The following ZNF487 variants were observed in gnomAD, a reference collection of about 807,000 sequenced individuals.
The protein encoded by ZNF487 is zinc finger protein 487.
In ZNF487, 4 loss-of-function variants were observed where a neutral mutation model predicts 3.0. That is an observed-to-expected ratio of 1.35 (90% CI 0.66 to 3.08). The LOEUF is 3.08. Ranked by LOEUF, ZNF487 falls within the 30% of genes most tolerant of loss-of-function variation. ZNF487 has a pLI of 0.01. For synonymous variants in ZNF487, 55 were observed against 34.6 expected, an observed-to-expected ratio of 1.59 and a Z score of -2.06; for missense variants, 146 against 98.7, an observed-to-expected ratio of 1.48 and a Z score of -2.03.
intron 1 of ZNF487, among the ~76,000 whole-genome samples, chr10:43,438,584 A>G (rs1839467414): frequency 6.6e-6 from 1 of 152,216 alleles, no homozygotes; most frequent in Non-Finnish European, 1.5e-5. Flanking sequence ...CAAAAAATTA[A>G]CAAATAGAAT....
chr10:43,476,042 G>A (rs1841088624), intron 2 of ZNF487, 65 bp from the exon 3 acceptor site: 1 of 699,472 alleles, frequency 1.4e-6, no homozygotes, highest in South Asian at 1.5e-5. Flanking sequence ...ACCTATTTTT[G>A]TGCAGGCACA....
At chr10:43,455,913 A>G (rs559977852) in intron 1 of ZNF487, among the ~76,000 whole-genome samples, 2 of 152,374 alleles carry the variant, frequency 1.3e-5, no homozygotes, top group Admixed American at 6.5e-5. Context: ...CGCCCGCTCT[A>G]GCACAGTCCG....
rs1252687815 is a variant in ZNF487 at position 43,475,828 on chromosome 10, C to T, written c.15C>T (p.Tyr5=). 6.4e-6 allele frequency: 5 copies of T among 779,186 alleles called. No individual in the cohort carries two copies. Among genetic ancestry groups the T allele is most frequent in the African/African-American group, 1.7e-5 (1 of 59,200 alleles). 48.3% of individuals were successfully genotyped at this position (779,186 alleles called of 1,614,324 possible). ...ACAGAGACATGATGCTGGAGAACTA[C>T]AGCCTCCTCCTCTCAGTGGGTAAGG... is the stretch of plus-strand genomic sequence containing the variant. MLEN[Y]SLLLSVGYCI... The change falls in exon 2 of 4, where the codon TAC becomes TAT. Residue 5 remains tyrosine (Y), a synonymous_variant. Coordinates refer to ENST00000437590, the MANE Select transcript of ZNF487 (RefSeq NM_001355444.3).
In ZNF487 at chr10:43,482,319, A is replaced by G; in HGVS notation, c.*397A>G. ...GTATATCAGAAAACAGATACAGAAG[A>G]AAAACTCTATGAATGTAGTGAATGT... On this transcript the variant is annotated 3_prime_UTR_variant, in exon 4 of 4. Transcript: ENST00000437590. 1 of 414,948 alleles carries G rather than the reference A, an allele frequency of 2.4e-6. No individual in the cohort carries two copies. 25.7% of individuals were successfully genotyped at this position (414,948 alleles called of 1,614,324 possible). A position where few individuals can be genotyped will look rare whatever the true frequency, so the allele number is the denominator to read the frequency against.
chr10:43,494,757 T>TA, the ZNF487 span, among the ~76,000 whole-genome samples: 1 of 24,448 alleles, frequency 4.1e-5, no homozygotes, highest in Non-Finnish European at 7.0e-5. Flanking sequence ...CTGTCTCTAC[T>TA]AAAAATACAA....
chr10:43,469,810 C>T (rs192758179), intron 1 of ZNF487, among the ~76,000 whole-genome samples: 30 of 151,944 alleles, frequency 2.0e-4, no homozygotes, highest in Admixed American at 5.3e-4. Flanking sequence ...ATTAGGTGGG[C>T]GTGGTGGTGT....
At chr10:43,441,998 G>A (rs999321608) in intron 1 of ZNF487, among the ~76,000 whole-genome samples, 7 of 152,204 alleles carry the variant, frequency 4.6e-5, no homozygotes, top group Middle Eastern at 6.8e-3. Flanking sequence ...AGGTAGAGGC[G>A]GGAAAATCAA....
At chr10:43,484,784 A>T (rs1397186742), downstream of ZNF487, among the ~76,000 whole-genome samples, 1 of 152,208 alleles carries the variant, frequency 6.6e-6, no homozygotes, top group Admixed American at 6.6e-5. Context: ...TATTATATTC[A>T]TAGGAAAACA....
chr10:43,498,101 T>TATA, the ZNF487 span, among the ~76,000 whole-genome samples: 1 of 12,762 alleles, frequency 7.8e-5, no homozygotes, highest in Non-Finnish European at 1.3e-4. Context: ...ATATATATAT[T>TATA]TTTTTTTTTT....
chr10:43,500,194 G>T, the ZNF487 span, among the ~76,000 whole-genome samples: 1 of 151,680 alleles, frequency 6.6e-6, no homozygotes, highest in Non-Finnish European at 1.5e-5. Flanking sequence ...TATTTTTTTA[G>T]AGGCAAGGTC....
chr10:43,502,522 T>TA, the ZNF487 span, among the ~76,000 whole-genome samples: 63 of 148,636 alleles, frequency 4.2e-4, no homozygotes, highest in East Asian at 2.2e-3. Flanking sequence ...TAAAGTATAA[T>TA]AAAAAAAAAA....
the ZNF487 span, among the ~76,000 whole-genome samples, chr10:43,516,416 G>A: frequency 6.6e-6 from 1 of 152,086 alleles, no homozygotes; most frequent in Non-Finnish European, 1.5e-5. Context: ...ACAACTCCTG[G>A]TACCAAAATC....
At chr10:43,480,422 T>A (rs1841307503) in intron 3 of ZNF487, among the ~76,000 whole-genome samples, 1 of 151,318 alleles carries the variant, frequency 6.6e-6, no homozygotes, top group African/African-American at 2.4e-5. Flanking sequence ...TATTATTATT[T>A]TTTTATTTTT....
In ZNF487 at chr10:43,469,951, CA is replaced by C. The variant is rs61067183; in HGVS notation, c.-93-5757del. ...GGCAACAGAGCGAGACTCTGTCTTC[CA>C]AAAAAAAAAAAATTAGGATATGTAC... On this transcript the variant is annotated intron_variant, in intron 1 of 3. Transcript: ENST00000437590. 7.8e-3 allele frequency among the ~76,000 whole-genome samples: 1,035 copies of C among 133,422 alleles called. 8 individuals carry two copies. The highest frequency in any genetic ancestry group is 0.02 in the African/African-American group (734 of 36,806). The allele number at this position is 133,422 out of a possible 152,430, so 87.5% of individuals were successfully genotyped here.
the ZNF487 span, among the ~76,000 whole-genome samples, chr10:43,511,663 A>C: frequency 3.3e-5 from 5 of 152,150 alleles, no homozygotes; most frequent in Admixed American, 2.0e-4. Flanking sequence ...GTGGAAGTCC[A>C]TGTTGCTGAG....
chr10:43,440,040 TTA>T (rs1199149912), intron 1 of ZNF487, among the ~76,000 whole-genome samples: 1 of 113,138 alleles, frequency 8.8e-6, no homozygotes, highest in Non-Finnish European at 2.0e-5. Context: ...AAGTTTTGTT[TTA>T]TATATATATA....
In ZNF487 at chr10:43,481,483, AT is replaced by A. The variant is rs1161929178; in HGVS notation, c.188del (p.Leu63CysfsTer12). 1.4e-6 allele frequency: 1 copy of A among 717,312 alleles called. No homozygotes were observed. Among genetic ancestry groups the A allele is most frequent in the African/African-American group, 1.7e-5 (1 of 57,382 alleles). The allele number at this position is 717,312 out of a possible 1,614,324, so 44.4% of individuals were successfully genotyped here. A position where few individuals can be genotyped will look rare whatever the true frequency, so the allele number is the denominator to read the frequency against. On this transcript the variant is annotated frameshift_variant, in exon 4 of 4. Transcript: ENST00000437590. LOFTEE classifies it low-confidence loss of function (END_TRUNC). ...AAGAGACAGGAAAATCAAGACCAGC[AT>A]TTGCAGAAAGTTGATTTTGTCAACA... ...MEKRQENQDQ[H>X]LQKVDFVNNK...
chr10:43,501,618 T>C, the ZNF487 span, among the ~76,000 whole-genome samples: 626 of 23,314 alleles, frequency 0.027, 5 homozygotes, highest in Middle Eastern at 0.12. Context: ...CATGCGCCTG[T>C]AGTCCCAGCT....
At chr10:43,505,267 A>C in the ZNF487 span, among the ~76,000 whole-genome samples, 1 of 138,900 alleles carries the variant, frequency 7.2e-6, no homozygotes, top group Admixed American at 7.8e-5. Context: ...GTCCCCCTTA[A>C]GTTATTATGT....
Sources: gnomAD v4.1 joint callset for allele counts (sites outside exome capture counted in the v4.1 genomes callset) on GRCh38, gnomAD v4.1.1 for gene constraint, MANE v1.5 for transcripts, NCBI Gene and HGNC (gene_info 2026-07-23, HGNC 2026-07-21) for gene names.